The following RALYL variants were observed in gnomAD, a reference collection of about 807,000 sequenced individuals.
The protein encoded by RALYL is RALY RNA binding protein like.
In RALYL, 29 loss-of-function variants were observed where a neutral mutation model predicts 35.1. That is an observed-to-expected ratio of 0.83 (90% CI 0.61 to 1.13). The LOEUF (loss-of-function observed/expected upper bound fraction) is 1.13, where lower values mean the gene tolerates loss of function less well. RALYL is among the 50% of genes most tolerant of loss of function. The pLI is 0.00. For missense variants in RALYL, 359 were observed against 360.4 expected, an observed-to-expected ratio of 1.00 and a Z score of 0.03; for synonymous variants, 120 against 127.6, an observed-to-expected ratio of 0.94 and a Z score of 0.40.
At chr8:84,892,080 T>A (rs1260700989) in intron 8 of RALYL, among the ~76,000 whole-genome samples, 1 of 152,124 alleles carries the variant, frequency 6.6e-6, no homozygotes, top group African/African-American at 2.4e-5. Context: ...TGTGAGGTGG[T>A]GAGAAGCCAA....
chr8:84,880,992 T>C (rs1415276843), intron 7 of RALYL, among the ~76,000 whole-genome samples: 1 of 151,914 alleles, frequency 6.6e-6, no homozygotes, highest in East Asian at 1.9e-4. Flanking sequence ...GATTATATAA[T>C]ATCTCTACTA....
chr8:84,402,966 G>A (rs1234747482), intron 1 of RALYL, among the ~76,000 whole-genome samples: 3 of 152,154 alleles, frequency 2.0e-5, no homozygotes, highest in Admixed American at 1.3e-4. Context: ...CTTCATTTGA[G>A]AAGTGTCTGT....
intron 1 of RALYL, among the ~76,000 whole-genome samples, chr8:84,193,407 A>T (rs1185340322): frequency 6.6e-6 from 1 of 152,230 alleles, no homozygotes; most frequent in Non-Finnish European, 1.5e-5. Context: ...GATGCTGGTT[A>T]CGTCTCAGAA....
At chr8:84,256,277 C>A (rs1433169857) in intron 1 of RALYL, among the ~76,000 whole-genome samples, 1 of 152,240 alleles carries the variant, frequency 6.6e-6, no homozygotes, top group South Asian at 2.1e-4. Context: ...AGGTTTGTCT[C>A]TTAACATATG....
intron 1 of RALYL, among the ~76,000 whole-genome samples, chr8:84,464,396 G>C (rs1337997865): frequency 6.6e-6 from 1 of 150,806 alleles, no homozygotes; most frequent in Non-Finnish European, 1.5e-5. Context: ...GCGGTGTTTG[G>C]TTTTTTGTTC....
intron 2 of RALYL, among the ~76,000 whole-genome samples, chr8:84,674,524 C>T (rs1833841066): frequency 1.3e-5 from 2 of 152,034 alleles, no homozygotes. Context: ...TATCTTTCAA[C>T]ATTACTCTAA....
intron 1 of RALYL, among the ~76,000 whole-genome samples, chr8:84,319,534 C>T (rs1844395810): frequency 6.6e-6 from 1 of 152,080 alleles, no homozygotes; most frequent in Admixed American, 6.6e-5. Context: ...CAGAGGAAGG[C>T]TTCTTTAAGT....
At chr8:84,667,929 G>A (rs1357617687) in intron 2 of RALYL, among the ~76,000 whole-genome samples, 1 of 152,120 alleles carries the variant, frequency 6.6e-6, no homozygotes, top group East Asian at 1.9e-4. Context: ...AAGAAAATGG[G>A]CATTCCACAT....
At chr8:84,620,578 C>G (rs927472977) in intron 2 of RALYL, among the ~76,000 whole-genome samples, 1 of 152,170 alleles carries the variant, frequency 6.6e-6, no homozygotes, top group Non-Finnish European at 1.5e-5. Flanking sequence ...TCATCTGAAG[C>G]CTTCTTCTCT....
intron 1 of RALYL, among the ~76,000 whole-genome samples, chr8:84,354,391 G>C (rs1851454881): frequency 6.7e-6 from 1 of 150,074 alleles, no homozygotes; most frequent in African/African-American, 2.5e-5. Context: ...GGATGCTTTT[G>C]GTGTGTGATG....
chr8:84,657,253 G>T (rs1468549559), intron 2 of RALYL, among the ~76,000 whole-genome samples: 3 of 152,140 alleles, frequency 2.0e-5, no homozygotes, highest in Non-Finnish European at 4.4e-5. Context: ...ATCCGGAACT[G>T]TGTCTGGTAT....
rs966866567 is a variant in RALYL, at chr8:84,270,582, GTA to G, written c.-24+86160_-24+86161del. Among the ~76,000 whole-genome samples the G allele has an allele frequency of 4.7e-5, 7 of 149,934 alleles. No individual in the cohort carries two copies. In the South Asian group the frequency reaches 1.1e-3, roughly 23 times the overall value. On this transcript the variant is annotated intron_variant, in intron 1 of 8. Transcript: ENST00000521268. ...TGTGTGTGTGTGTGTGTGTGTGTGT[GTA>G]TGTATGTATAATTTTCACATATCTT...
intron 1 of RALYL, among the ~76,000 whole-genome samples, chr8:84,423,726 C>T (rs942167717): frequency 1.8e-4 from 28 of 151,582 alleles, no homozygotes; most frequent in Admixed American, 8.5e-4. Context: ...CCTTCAGGAG[C>T]TCTTTTAGGG....
chr8:84,485,460 A>G (rs2054512914), intron 1 of RALYL, among the ~76,000 whole-genome samples: 2 of 152,068 alleles, frequency 1.3e-5, no homozygotes, highest in Non-Finnish European at 2.9e-5. Flanking sequence ...CACGCCTGCA[A>G]TCTCAAATAC....
At chr8:84,468,925 G>A (rs922292269) in intron 1 of RALYL, among the ~76,000 whole-genome samples, 2 of 151,438 alleles carry the variant, frequency 1.3e-5, no homozygotes, top group Non-Finnish European at 2.9e-5. Context: ...CTTTCTTCCA[G>A]TTGATCGCAT....
At chr8:84,555,171 C>T (rs2061021465) in intron 2 of RALYL, among the ~76,000 whole-genome samples, 1 of 152,096 alleles carries the variant, frequency 6.6e-6, no homozygotes, top group African/African-American at 2.4e-5. Flanking sequence ...CCCAGCTACT[C>T]AGGAGGCTGA....
chr8:84,212,840 T>C (rs1586220738), intron 1 of RALYL, among the ~76,000 whole-genome samples: 1 of 152,338 alleles, frequency 6.6e-6, no homozygotes, highest in East Asian at 1.9e-4. Context: ...AGCTGTTTTA[T>C]TGGCAGTTTT....
At chr8:84,386,936 T>C (rs1859345754) in intron 1 of RALYL, among the ~76,000 whole-genome samples, 1 of 151,832 alleles carries the variant, frequency 6.6e-6, no homozygotes, top group African/African-American at 2.4e-5. Context: ...GCCAGTGTCA[T>C]CAGAGTTGGC....
chr8:84,448,581 G>A (rs532273416), intron 1 of RALYL, among the ~76,000 whole-genome samples: 45 of 152,020 alleles, frequency 3.0e-4, no homozygotes, highest in Admixed American at 7.9e-4. Flanking sequence ...ACTGCTACAC[G>A]CTTTTTCTTC....
Sources: allele counts gnomAD v4.1 joint callset (sites outside exome capture counted in the v4.1 genomes callset), GRCh38; gene constraint gnomAD v4.1.1; transcripts MANE v1.5; gene names NCBI Gene and HGNC (gene_info 2026-07-23, HGNC 2026-07-21).